Variants in AKAP19 observed in about 807,000 individuals in gnomAD.
The protein encoded by AKAP19 is small A-kinase anchoring protein.
chr2:189,952,429 CAT>C, the AKAP19 span, among the ~76,000 whole-genome samples: 2 of 151,894 alleles, frequency 1.3e-5, no homozygotes, highest in African/African-American at 4.8e-5. Flanking sequence ...AAAATCATAT[CAT>C]TTTTTTTTTC....
At chr2:190,194,544 G>A in the AKAP19 span, among the ~76,000 whole-genome samples, 5 of 149,936 alleles carry the variant, frequency 3.3e-5, no homozygotes, top group East Asian at 3.9e-4. Flanking sequence ...TAGACACATC[G>A]CAATCACCTG....
the AKAP19 span, among the ~76,000 whole-genome samples, chr2:189,916,028 A>G: frequency 1.3e-5 from 2 of 152,164 alleles, no homozygotes; most frequent in East Asian, 1.9e-4. Context: ...AGTGTGTAGC[A>G]TAGAGCTTTC....
chr2:190,105,141 G>A, the AKAP19 span, among the ~76,000 whole-genome samples: 1 of 151,970 alleles, frequency 6.6e-6, no homozygotes, highest in Non-Finnish European at 1.5e-5. Flanking sequence ...GGTATATATC[G>A]AAAAGAAAAA....
the AKAP19 span, among the ~76,000 whole-genome samples, chr2:190,028,850 G>C: frequency 6.6e-6 from 1 of 152,028 alleles, no homozygotes; most frequent in Non-Finnish European, 1.5e-5. Flanking sequence ...TTATCTTCAG[G>C]ATTGGCAAAG....
chr2:190,187,276 C>T, the AKAP19 span, among the ~76,000 whole-genome samples: 3 of 152,034 alleles, frequency 2.0e-5, no homozygotes, highest in Non-Finnish European at 2.9e-5. Flanking sequence ...TCTTAGAAAC[C>T]TGTGTAAAGG....
chr2:189,913,387 G>A, the AKAP19 span, among the ~76,000 whole-genome samples: 2 of 151,900 alleles, frequency 1.3e-5, no homozygotes, highest in Non-Finnish European at 2.9e-5. Flanking sequence ...GTAATTTATA[G>A]ATTAAAAATT....
the AKAP19 span, among the ~76,000 whole-genome samples, chr2:190,058,513 G>C: frequency 6.3e-4 from 95 of 151,990 alleles, no homozygotes; most frequent in South Asian, 2.9e-3. Flanking sequence ...AAGGAAACTA[G>C]ATCATTTAGA....
At chr2:190,147,358 T>C in the AKAP19 span, among the ~76,000 whole-genome samples, 2 of 152,250 alleles carry the variant, frequency 1.3e-5, no homozygotes, top group Admixed American at 1.3e-4. Context: ...CGTTGGTCTA[T>C]GTGCCTATTT....
chr2:190,045,150 C>T, the AKAP19 span, among the ~76,000 whole-genome samples: 1 of 151,924 alleles, frequency 6.6e-6, no homozygotes, highest in Admixed American at 6.5e-5. Context: ...AGGACACTGG[C>T]AGGGGTGGCT....
chr2:190,067,243 A>G, the AKAP19 span, among the ~76,000 whole-genome samples: 7 of 152,212 alleles, frequency 4.6e-5, no homozygotes, highest in Admixed American at 3.9e-4. Flanking sequence ...ACACATAAGA[A>G]AGAATGAGTG....
the AKAP19 span, among the ~76,000 whole-genome samples, chr2:190,190,864 A>G: frequency 3.9e-5 from 6 of 152,296 alleles, no homozygotes; most frequent in South Asian, 1.2e-3. Flanking sequence ...TACAGCCACC[A>G]CCACAATCGG....
chr2:189,920,824 G>C, the AKAP19 span, among the ~76,000 whole-genome samples: 3 of 152,146 alleles, frequency 2.0e-5, no homozygotes, highest in Admixed American at 6.5e-5. Context: ...TTCTCAGCCT[G>C]CCCACTCACC....
chr2:190,101,761 C>G, the AKAP19 span, among the ~76,000 whole-genome samples: 1 of 151,628 alleles, frequency 6.6e-6, no homozygotes, highest in African/African-American at 2.4e-5. Flanking sequence ...AACTTGAACA[C>G]CCCACTAACA....
chr2:189,923,459 A>C, the AKAP19 span: 5 of 1,613,938 alleles, frequency 3.1e-6, no homozygotes, highest in South Asian at 5.5e-5. Flanking sequence ...GAAGTATGGC[A>C]AAATTGTGGG....
chr2:190,078,386 T>G, the AKAP19 span, among the ~76,000 whole-genome samples: 4 of 152,274 alleles, frequency 2.6e-5, no homozygotes, highest in South Asian at 8.3e-4. Context: ...GGTTACTAAA[T>G]GTGGCCTGAA....
At chr2:190,164,736 A>C in the AKAP19 span, among the ~76,000 whole-genome samples, 1 of 152,202 alleles carries the variant, frequency 6.6e-6, no homozygotes, top group South Asian at 2.1e-4. Flanking sequence ...TAGTTCTCAG[A>C]TGGGCAGATT....
chr2:190,078,971 AAATTTTAG>A, the AKAP19 span, among the ~76,000 whole-genome samples: 721 of 151,620 alleles, frequency 4.8e-3, 4 homozygotes, highest in African/African-American at 0.017. Flanking sequence ...GTAGAAAGGA[AAATTTTAG>A]AATCCATTTT....
the AKAP19 span, among the ~76,000 whole-genome samples, chr2:190,076,655 A>C: frequency 2.0e-5 from 3 of 152,138 alleles, no homozygotes; most frequent in African/African-American, 7.2e-5. Flanking sequence ...ATTACTTATC[A>C]TTGTTCCTGT....
chr2:190,062,237 G>C, the AKAP19 span: 1 of 1,612,756 alleles, frequency 6.2e-7, no homozygotes, highest in Admixed American at 1.7e-5. Flanking sequence ...CTGTAGGCAT[G>C]GTAATGATTG....
Sources: allele counts gnomAD v4.1 joint callset (sites outside exome capture counted in the v4.1 genomes callset), GRCh38; gene constraint gnomAD v4.1.1; transcripts MANE v1.5; gene names NCBI Gene and HGNC (gene_info 2026-07-23, HGNC 2026-07-21).